STK33: variants seen among roughly 807,000 people sequenced by gnomAD.
The protein encoded by STK33 is serine/threonine kinase 33.
A neutral mutation model predicts 58.0 loss-of-function variants in STK33; 52 were observed. That is an observed-to-expected ratio of 0.90 (90% CI 0.72 to 1.13). STK33 has a LOEUF of 1.13. Among genes scored for constraint, STK33 ranks in the 50% most tolerant of loss-of-function variants. The pLI is 0.00. For synonymous variants in STK33, 215 were observed against 200.1 expected (o/e 1.07, Z -0.63); for missense variants, 630 against 604.2 (o/e 1.04, Z -0.45).
At chr11:8,531,159 T>A (rs2140123957) in intron 1 of STK33, among the ~76,000 whole-genome samples, 1 of 152,190 alleles carries the variant, frequency 6.6e-6, no homozygotes, top group East Asian at 1.9e-4. Flanking sequence ...AATGAAGAAA[T>A]CTAAAAATTG....
chr11:8,409,969 T>C (rs1939932793), intron 15 of STK33, among the ~76,000 whole-genome samples: 1 of 152,084 alleles, frequency 6.6e-6, no homozygotes, highest in Admixed American at 6.6e-5. Flanking sequence ...GCAGCCTAGA[T>C]CCGAAGTTAT....
rs144445969 is a variant in STK33 at position 8,472,800 on chromosome 11, C to T, written c.339+363G>A. On this transcript the variant is annotated intron_variant, in intron 6 of 15. Coordinates refer to ENST00000687296, the MANE Select transcript of STK33 (RefSeq NM_001352389.2). ...GAGCTCATGAGGGAGATTCTGGCCTCACTATCAAGGAAGTGAACAGCCAAA... is the reference window on the plus strand; with the variant it reads ...GAGCTCATGAGGGAGATTCTGGCCTTACTATCAAGGAAGTGAACAGCCAAA... Among the ~76,000 whole-genome samples the T allele has an allele frequency of 1.9e-3, 282 of 152,264 alleles. 1 individual carries two copies. The highest frequency in any genetic ancestry group is 6.4e-3 in the African/African-American group (264 of 41,550).
chr11:8,486,865 T>C (rs997637241), intron 1 of STK33, among the ~76,000 whole-genome samples: 4 of 152,144 alleles, frequency 2.6e-5, no homozygotes, highest in African/African-American at 4.8e-5. Context: ...TTAAGATGTA[T>C]AGTGATAGAA....
At chr11:8,434,797 A>G (rs1943861970) in intron 14 of STK33, among the ~76,000 whole-genome samples, 1 of 152,212 alleles carries the variant, frequency 6.6e-6, no homozygotes, top group Non-Finnish European at 1.5e-5. Flanking sequence ...TTCGACTTGC[A>G]TCTCACTGAC....
At chr11:8,461,024 CT>C (rs747892858) in intron 8 of STK33, among the ~76,000 whole-genome samples, 3 of 152,242 alleles carry the variant, frequency 2.0e-5, no homozygotes, top group Non-Finnish European at 4.4e-5. Flanking sequence ...TCATTTAATC[CT>C]TCAACAGCAA....
downstream of STK33, among the ~76,000 whole-genome samples, chr11:8,391,123 G>C (rs1215712656): frequency 6.6e-6 from 1 of 152,152 alleles, no homozygotes; most frequent in Non-Finnish European, 1.5e-5. Context: ...TGAAGCCAGA[G>C]TTCTCATCAG....
chr11:8,433,120 T>C (rs547717961), intron 14 of STK33, among the ~76,000 whole-genome samples: 34 of 152,370 alleles, frequency 2.2e-4, no homozygotes, highest in Admixed American at 1.5e-3. Context: ...TGCAGTGATC[T>C]AGCTGCTAAC....
intron 6 of STK33, among the ~76,000 whole-genome samples, chr11:8,472,595 G>T (rs1948882954): frequency 6.6e-6 from 1 of 152,042 alleles, no homozygotes. Flanking sequence ...CAATTTAAAT[G>T]GTAATATTAA....
At chr11:8,384,358 C>T in the STK33 span, among the ~76,000 whole-genome samples, 1 of 152,166 alleles carries the variant, frequency 6.6e-6, no homozygotes, top group Non-Finnish European at 1.5e-5. Flanking sequence ...ATGCCAGTGC[C>T]TGGGAAGGCG....
chr11:8,434,964 A>G (rs1203460730), intron 14 of STK33, among the ~76,000 whole-genome samples: 1 of 152,218 alleles, frequency 6.6e-6, no homozygotes, highest in Non-Finnish European at 1.5e-5. Context: ...GTGGCCAGGT[A>G]ATGTTCGGGT....
the STK33 span, among the ~76,000 whole-genome samples, chr11:8,344,198 A>AACACACACACAC: frequency 0.063 from 8,683 of 137,102 alleles, 334 homozygotes; most frequent in East Asian, 0.098. Context: ...AAACAAACAA[A>AACACACACACAC]ACACACACAC....
At chr11:8,492,027 C>T (rs959835042) in intron 1 of STK33, among the ~76,000 whole-genome samples, 1 of 152,192 alleles carries the variant, frequency 6.6e-6, no homozygotes, top group Non-Finnish European at 1.5e-5. Context: ...TAGGAAGAAA[C>T]TGCATCAACT....
chr11:8,390,114 T>A (rs1398384026), downstream of STK33, among the ~76,000 whole-genome samples: 1 of 152,234 alleles, frequency 6.6e-6, no homozygotes, highest in Admixed American at 6.5e-5. Flanking sequence ...CCTTCTCTGA[T>A]GTAAGGCCTT....
intron 6 of STK33, chr11:8,467,273 C>G (rs143529846): frequency 6.6e-6 from 1 of 152,268 alleles, no homozygotes; most frequent in East Asian, 1.9e-4. Context: ...AATTTTTATG[C>G]TCTGCTTCCC....
chr11:8,363,353 G>A, the STK33 span, among the ~76,000 whole-genome samples: 1 of 152,050 alleles, frequency 6.6e-6, no homozygotes, highest in Non-Finnish European at 1.5e-5. Flanking sequence ...GTATACAGCT[G>A]GATGATTTTT....
the STK33 span, among the ~76,000 whole-genome samples, chr11:8,340,660 T>A: frequency 6.6e-6 from 1 of 152,120 alleles, no homozygotes; most frequent in African/African-American, 2.4e-5. Flanking sequence ...ATGTCTCTAG[T>A]CCCTGCTGCC....
chr11:8,424,837 T>C (rs1443376055), intron 14 of STK33, among the ~76,000 whole-genome samples: 1 of 141,300 alleles, frequency 7.1e-6, no homozygotes, highest in Non-Finnish European at 1.5e-5. Context: ...GATGGGGTTG[T>C]TTTTTTCTTG....
intron 1 of STK33, among the ~76,000 whole-genome samples, chr11:8,558,906 A>G (rs770269474): frequency 5.3e-5 from 8 of 152,210 alleles, no homozygotes; most frequent in Non-Finnish European, 1.0e-4. Context: ...TTCAAATTCA[A>G]AAAGCTAATG....
At chr11:8,482,423 T>C (rs1949879618) in intron 1 of STK33, among the ~76,000 whole-genome samples, 1 of 152,184 alleles carries the variant, frequency 6.6e-6, no homozygotes, top group South Asian at 2.1e-4. Context: ...AGTTTATGTA[T>C]ATATCCAGCA....
Sources: allele counts gnomAD v4.1 joint callset (sites outside exome capture counted in the v4.1 genomes callset), GRCh38; gene constraint gnomAD v4.1.1; transcripts MANE v1.5; gene names NCBI Gene and HGNC (gene_info 2026-07-23, HGNC 2026-07-21).